The following SARDH variants were observed in gnomAD, a reference collection of about 807,000 sequenced individuals.
SARDH encodes sarcosine dehydrogenase, mitochondrial.
In SARDH, 95 loss-of-function variants were observed where a neutral mutation model predicts 109.1. The ratio of observed to expected loss-of-function variants is 0.87; its 90% CI spans 0.74 to 1.03. The LOEUF (loss-of-function observed/expected upper bound fraction) is 1.03, where lower values mean the gene tolerates loss of function less well. SARDH is among the 50% of genes least tolerant of loss of function. The probability of loss-of-function intolerance (pLI) is 0.00; values close to 1 mark genes in which losing one functional copy is unlikely to be tolerated. For missense variants in SARDH, 1,267 were observed against 1,287.8 expected (o/e 0.98, Z 0.25); for synonymous variants, 572 against 534.8 (o/e 1.07, Z -0.96).
Position 133,717,214 on chromosome 9 carries a change from C to T in SARDH, c.1150+112G>A, listed in dbSNP as rs1832155837. On this transcript the variant is annotated intron_variant, in intron 8 of 20. Coordinates refer to ENST00000439388, the MANE Select transcript of SARDH (RefSeq NM_001134707.2). Reference sequence around the variant, plus strand: ...GCCAAGCAGCGAGAGGGACCGGGGACAGCCCTGGGTCCCCTGTGTGACACA... The same window carrying T: ...GCCAAGCAGCGAGAGGGACCGGGGATAGCCCTGGGTCCCCTGTGTGACACA... 5 of 1,376,912 alleles carry T rather than the reference C, an allele frequency of 3.6e-6. No homozygotes were observed. In the South Asian group the frequency reaches 4.1e-5, roughly 11 times the overall value. The allele number at this position is 1,376,912 out of a possible 1,614,324, so 85.3% of individuals were successfully genotyped here. A position where few individuals can be genotyped will look rare whatever the true frequency, so the allele number is the denominator to read the frequency against.
At chr9:133,702,459 T>C (rs1041474592) in intron 13 of SARDH, among the ~76,000 whole-genome samples, 29 of 152,210 alleles carry the variant, frequency 1.9e-4, no homozygotes, top group Non-Finnish European at 3.5e-4. Flanking sequence ...TGCTTGTCCC[T>C]TGGAGGGGCC....
intron 13 of SARDH, among the ~76,000 whole-genome samples, chr9:133,696,711 A>C (rs1457852685): frequency 6.6e-6 from 1 of 152,232 alleles, no homozygotes; most frequent in Admixed American, 6.5e-5. Context: ...GAAATTACAC[A>C]ACACACTGCT....
At chr9:133,707,915 G>A (rs1184661304) in intron 11 of SARDH, among the ~76,000 whole-genome samples, 4 of 152,106 alleles carry the variant, frequency 2.6e-5, no homozygotes, top group African/African-American at 9.7e-5. Flanking sequence ...AATGTACGCC[G>A]TGTTCTGGCT....
intron 13 of SARDH, among the ~76,000 whole-genome samples, chr9:133,700,130 C>T (rs1831428177): frequency 1.3e-5 from 2 of 152,238 alleles, no homozygotes; most frequent in Admixed American, 1.3e-4. Context: ...AGTTCAAGAC[C>T]AGCCTGGTCA....
intron 6 of SARDH, among the ~76,000 whole-genome samples, chr9:133,726,602 C>A (rs2131491625): frequency 6.6e-6 from 1 of 152,198 alleles, no homozygotes; most frequent in Non-Finnish European, 1.5e-5. Context: ...AGCGGAGTGC[C>A]CAGTTCAGCA....
intron 6 of SARDH, among the ~76,000 whole-genome samples, chr9:133,720,539 A>G (rs1832287532): frequency 6.6e-6 from 1 of 152,268 alleles, no homozygotes; most frequent in African/African-American, 2.4e-5. Context: ...GGTAATTTAT[A>G]CAGGAAAGAG....
chr9:133,661,435 T>C (rs990739539), downstream of SARDH, among the ~76,000 whole-genome samples: 1 of 151,866 alleles, frequency 6.6e-6, no homozygotes, highest in African/African-American at 2.4e-5. Flanking sequence ...GCTGTCTCAC[T>C]GCACACTGTG....
In SARDH at chr9:133,692,696, G is replaced by A. The variant is rs941659127; in HGVS notation, c.1921+1562C>T. On this transcript the variant is annotated intron_variant, in intron 15 of 20. Transcript: ENST00000439388. The surrounding 1 kb of genome is among the most constrained non-coding windows in gnomAD (Gnocchi z 5.0). ...ACTGTGGGGTCCCTGAAGCCCCACC[G>A]GCCTCCTTCACCTCCTCCCGACCCT... Among the ~76,000 whole-genome samples, 9 of 152,062 alleles carry A rather than the reference G, an allele frequency of 5.9e-5. No homozygotes were observed. Among genetic ancestry groups the A allele is most frequent in the Admixed American group, 2.0e-4 (3 of 15,272 alleles).
At chr9:133,694,988 T>G (rs781660495) in intron 14 of SARDH, among the ~76,000 whole-genome samples, 4 of 152,118 alleles carry the variant, frequency 2.6e-5, no homozygotes, top group Non-Finnish European at 4.4e-5. Context: ...GGTTTGTTGG[T>G]TGGCTGGCTG....
In SARDH at chr9:133,686,428, A is replaced by G. The variant is rs1548362; in HGVS notation, c.2070-1142T>C. 0.22 allele frequency among the ~76,000 whole-genome samples: 33,795 copies of G among 151,772 alleles called. 4,320 individuals carry two copies. Among genetic ancestry groups the G allele is most frequent in the East Asian group, 0.4 (2,027 of 5,106 alleles). ...TGGCTCAGCTGTCACCTCCCCCAGG[A>G]AGCCCTCCCTGACTCCCTAGGTCTT... On this transcript the variant is annotated intron_variant, in intron 16 of 20. Coordinates refer to ENST00000439388, the MANE Select transcript of SARDH (RefSeq NM_001134707.2). The surrounding 1 kb of genome is among the most constrained non-coding windows in gnomAD (Gnocchi z 4.0).
At chr9:133,701,870 G>A (rs555617248) in intron 13 of SARDH, among the ~76,000 whole-genome samples, 4 of 152,358 alleles carry the variant, frequency 2.6e-5, no homozygotes, top group African/African-American at 9.6e-5. Context: ...AACCCAGTGC[G>A]GGACCCAGTG....
intron 6 of SARDH, among the ~76,000 whole-genome samples, chr9:133,726,068 T>G (rs1832479945): frequency 6.6e-6 from 1 of 152,072 alleles, no homozygotes; most frequent in African/African-American, 2.4e-5. Flanking sequence ...TCCTAGTAAC[T>G]GAGCACTGTT....
chr9:133,670,348 AG>A (rs1459398397), intron 19 of SARDH, among the ~76,000 whole-genome samples: 9 of 137,740 alleles, frequency 6.5e-5, no homozygotes, highest in African/African-American at 2.5e-4. Flanking sequence ...AAAAAAAAAA[AG>A]AGCAAACTCT....
downstream of SARDH, among the ~76,000 whole-genome samples, chr9:133,660,011 T>C (rs952589252): frequency 5.9e-5 from 9 of 151,980 alleles, no homozygotes; most frequent in African/African-American, 2.2e-4. Flanking sequence ...GCGGCAGTGA[T>C]TGGGAATCCT....
At chr9:133,689,624 A>G (rs903951711) in intron 16 of SARDH, among the ~76,000 whole-genome samples, 1 of 152,088 alleles carries the variant, frequency 6.6e-6, no homozygotes, top group Non-Finnish European at 1.5e-5. Context: ...AATAAGAACA[A>G]TTATGACCAC....
chr9:133,722,677 CTT>C (rs1491156186), intron 6 of SARDH, among the ~76,000 whole-genome samples: 3 of 132,732 alleles, frequency 2.3e-5, no homozygotes, highest in Admixed American at 1.5e-4. Context: ...CTCTCTCTCT[CTT>C]TCTCTCTTTC....
Position 133,731,297 on chromosome 9 carries a change from A to C in SARDH, c.690+8T>G. 3 of 1,613,894 alleles carry C rather than the reference A, an allele frequency of 1.9e-6. No individual in the cohort carries two copies. The highest frequency in any genetic ancestry group is 2.5e-6 in the Non-Finnish European group (3 of 1,179,892). On this transcript the variant is annotated splice_region_variant and intron_variant, in intron 4 of 20. Transcript: ENST00000439388. Reference sequence around the variant, plus strand: ...ACAGGGGACCCAGAGCCAGGCGGCCATCAGTACCTGTGCTCCTCGGGCAGA... The same window carrying C: ...ACAGGGGACCCAGAGCCAGGCGGCCCTCAGTACCTGTGCTCCTCGGGCAGA...
At chr9:133,711,217 A>G (rs1439482888) in intron 10 of SARDH, among the ~76,000 whole-genome samples, 1 of 152,190 alleles carries the variant, frequency 6.6e-6, no homozygotes, top group African/African-American at 2.4e-5. Flanking sequence ...GGGCAGCTCC[A>G]TTTTGCAGCC....
chr9:133,664,505 T>A (rs1418472399), intron 20 of SARDH, among the ~76,000 whole-genome samples: 1 of 152,138 alleles, frequency 6.6e-6, no homozygotes, highest in African/African-American at 2.4e-5. Flanking sequence ...CGGGAGCCAG[T>A]CAGCCCCAGG....
Sources: gnomAD v4.1 joint callset for allele counts (sites outside exome capture counted in the v4.1 genomes callset) on GRCh38, gnomAD v4.1.1 for gene constraint, Gnocchi (gnomAD v3.1) non-coding constraint, MANE v1.5 for transcripts, NCBI Gene and HGNC (gene_info 2026-07-23, HGNC 2026-07-21) for gene names.